Variants in NXN observed in about 807,000 individuals in gnomAD.
The protein encoded by NXN is nucleoredoxin 1.
NXN carries 16 observed loss-of-function variants against 48.6 expected under a neutral mutation model. The observed-to-expected ratio is 0.33, with a 90% CI of 0.22 to 0.50. The LOEUF is 0.50. Among genes scored for constraint, NXN ranks in the 20% least tolerant of loss-of-function variants. The pLI, the probability that NXN is intolerant of heterozygous loss-of-function variation, is 0.98. For missense variants in NXN, 492 were observed against 605.5 expected, an observed-to-expected ratio of 0.81 and a Z score of 1.97; for synonymous variants, 281 against 269.6, an observed-to-expected ratio of 1.04 and a Z score of -0.41.
chr17:803,564 A>G lies in NXN; in HGVS notation c.1125+118T>C, dbSNP rs114182305. 1.4e-3 allele frequency: 1,820 copies of G among 1,302,412 alleles called. 19 individuals carry two copies. In the African/African-American group the frequency reaches 0.023, roughly 17 times the overall value. 80.7% of individuals were successfully genotyped at this position (1,302,412 alleles called of 1,614,324 possible). A position where few individuals can be genotyped will look rare whatever the true frequency, so the allele number is the denominator to read the frequency against. ...GCCACATTTGTCTGTGGGCTCTCTC[A>G]GAAGCACAGGCAGCCCTGACCCTGG... On this transcript the variant is annotated intron_variant, in intron 7 of 7. Coordinates refer to ENST00000336868, the MANE Select transcript of NXN (RefSeq NM_022463.5).
intron 1 of NXN, among the ~76,000 whole-genome samples, chr17:968,250 T>C (rs1399272739): frequency 6.6e-6 from 1 of 152,156 alleles, no homozygotes; most frequent in Non-Finnish European, 1.5e-5. Flanking sequence ...TCTACCTGCA[T>C]GATATTTAAA....
At chr17:976,247 T>C (rs1328892951) in intron 1 of NXN, among the ~76,000 whole-genome samples, 1 of 151,542 alleles carries the variant, frequency 6.6e-6, no homozygotes, top group Non-Finnish European at 1.5e-5. Context: ...CCAGGCAAAA[T>C]GCAGGCTTAA....
At chr17:841,429 C>CGCCGGCG (rs1914208793) in intron 1 of NXN, among the ~76,000 whole-genome samples, 1 of 119,808 alleles carries the variant, frequency 8.3e-6, no homozygotes, top group Non-Finnish European at 2.0e-5. Flanking sequence ...GCGCATCTCA[C>CGCCGGCG]ACGGGCGAGC....
At chr17:923,899 G>A (rs34232841) in intron 1 of NXN, among the ~76,000 whole-genome samples, 68,941 of 151,722 alleles carry the variant, frequency 0.45, 17,009 homozygotes, top group Non-Finnish European at 0.56. Context: ...AGATAGTTAA[G>A]TGGAAACGAC....
chr17:979,117 G>C (rs1429483359), intron 1 of NXN, among the ~76,000 whole-genome samples: 1 of 110,814 alleles, frequency 9.0e-6, no homozygotes, highest in Non-Finnish European at 1.9e-5. Flanking sequence ...AAGGGGGGGG[G>C]GCAGAGGCGG....
At chr17:874,636 GAACA>G (rs2068194923) in intron 1 of NXN, among the ~76,000 whole-genome samples, 1 of 149,520 alleles carries the variant, frequency 6.7e-6, no homozygotes. Flanking sequence ...AGCAATGGGA[GAACA>G]GACTAATGCA....
intron 1 of NXN, among the ~76,000 whole-genome samples, chr17:897,525 C>T (rs202038283): frequency 6.6e-6 from 1 of 152,194 alleles, no homozygotes; most frequent in Non-Finnish European, 1.5e-5. Context: ...CATTCACGTC[C>T]GGCATGTTCC....
intron 1 of NXN, chr17:959,380 C>T (rs1314739447): frequency 1.3e-5 from 3 of 231,850 alleles, no homozygotes; most frequent in Admixed American, 5.8e-5. Flanking sequence ...CTGCCTGCCC[C>T]GGCCAGAGCG....
rs66721481 is a variant in NXN at position 838,126 on chromosome 17, CT to C, written c.361-12049del. On this transcript the variant is annotated intron_variant, in intron 1 of 7. Transcript: ENST00000336868. Reference sequence around the variant, plus strand: ...CAGAACACTGAATTTTCCTTTCCTTCTTTTTTTTTTTTTTTTTTTTTTTGAG... The same window carrying C: ...CAGAACACTGAATTTTCCTTTCCTTCTTTTTTTTTTTTTTTTTTTTTTGAG... 9.4e-3 allele frequency among the ~76,000 whole-genome samples: 936 copies of C among 99,140 alleles called. 5 individuals carry two copies. Among genetic ancestry groups the C allele is most frequent in the African/African-American group, 0.033 (775 of 23,722 alleles). The allele number at this position is 99,140 out of a possible 152,430, so 65.0% of individuals were successfully genotyped here.
intron 1 of NXN, among the ~76,000 whole-genome samples, chr17:913,457 C>T (rs560587997): frequency 7.9e-5 from 12 of 152,178 alleles, no homozygotes; most frequent in Non-Finnish European, 1.5e-4. Flanking sequence ...ATGAAGATGT[C>T]GGCCCCTGCC....
At chr17:896,860 C>CGGGGGGGGGGGGGGGG in intron 1 of NXN, 1 of 566,102 alleles carries the variant, frequency 1.8e-6, no homozygotes, top group Non-Finnish European at 2.7e-6. Flanking sequence ...CCTGACCACC[C>CGGGGGGGGGGGGGGGG]GCCCCCGGCC....
At chr17:895,277 A>G (rs1271813510) in intron 1 of NXN, among the ~76,000 whole-genome samples, 1 of 151,642 alleles carries the variant, frequency 6.6e-6, no homozygotes, top group African/African-American at 2.4e-5. Context: ...CCAGCCTCCC[A>G]AAGTGCTGGG....
At chr17:954,143 C>T (rs1391494190) in intron 1 of NXN, among the ~76,000 whole-genome samples, 1 of 152,060 alleles carries the variant, frequency 6.6e-6, no homozygotes, top group African/African-American at 2.4e-5. Context: ...TTTGGGAGGC[C>T]GAGGTGGGCG....
Position 956,445 on chromosome 17 carries a change from C to T in NXN, c.360+22874G>A, listed in dbSNP as rs1285282717. 2.0e-5 allele frequency among the ~76,000 whole-genome samples: 3 copies of T among 152,096 alleles called. No individual in the cohort carries two copies. The highest frequency in any genetic ancestry group is 1.3e-4 in the Admixed American group (2 of 15,246). The stretch of plus-strand genomic sequence containing the variant: ...TTATTTATTTTGAGACAGAGATTCT[C>T]TCTTGTCACCCAGGCTGGAGTGCAA... On this transcript the variant is annotated intron_variant, in intron 1 of 7. Transcript: ENST00000336868. The surrounding 1 kb of genome is among the most constrained non-coding windows in gnomAD (Gnocchi z 4.1).
At chr17:979,286 C>T (rs778366052) in intron 1 of NXN, 33 bp downstream of exon 1, 1 of 1,054,900 alleles carries the variant, frequency 9.5e-7, no homozygotes, top group East Asian at 7.3e-5. Context: ...GCGTGGGGGG[C>T]GGGCAGGGGC....
intron 1 of NXN, among the ~76,000 whole-genome samples, chr17:839,538 C>T (rs958940093): frequency 2.0e-5 from 3 of 151,806 alleles, no homozygotes; most frequent in Admixed American, 6.6e-5. Context: ...CAGGTATGCA[C>T]GGCAGCTCAC....
chr17:812,773 GGTGTGTGCAT>G (rs1912183028), intron 5 of NXN, among the ~76,000 whole-genome samples: 2 of 145,550 alleles, frequency 1.4e-5, no homozygotes, highest in South Asian at 2.2e-4. Context: ...TGTGAGTGTA[GGTGTGTGCAT>G]GTGTGTAGGT....
chr17:823,600 C>A (rs773197408), intron 3 of NXN, 32 bp downstream of exon 3: 1 of 1,612,714 alleles, frequency 6.2e-7, no homozygotes, highest in Admixed American at 1.7e-5. Context: ...CTGCTTCCTT[C>A]TGTCTGAGCC....
chr17:804,148 G>A (rs550684686), intron 6 of NXN, among the ~76,000 whole-genome samples: 201 of 152,244 alleles, frequency 1.3e-3, no homozygotes, highest in South Asian at 2.3e-3. Flanking sequence ...GACCTGAGGC[G>A]CCTGCTAGTG....
Sources: gnomAD v4.1 joint callset for allele counts (sites outside exome capture counted in the v4.1 genomes callset) on GRCh38, gnomAD v4.1.1 for gene constraint, Gnocchi (gnomAD v3.1) non-coding constraint, MANE v1.5 for transcripts, NCBI Gene and HGNC (gene_info 2026-07-23, HGNC 2026-07-21) for gene names.